The following PUM3 variants were observed in gnomAD, a reference collection of about 807,000 sequenced individuals.
PUM3 encodes the protein pumilio RNA binding family member 3.
Under a neutral mutation model 84.0 loss-of-function variants are expected in PUM3, and 91 were observed. The observed-to-expected ratio is 1.08, with a 90% CI of 0.91 to 1.29. The LOEUF is 1.29. PUM3 is among the 50% of genes most tolerant of loss of function. PUM3 has a pLI of 0.00. For synonymous variants in PUM3, 321 were observed against 266.7 expected, an observed-to-expected ratio of 1.20 and a Z score of -1.98; for missense variants, 1,067 against 767.5, an observed-to-expected ratio of 1.39 and a Z score of -4.61.
chr9:2,827,314 T>TA (rs1815850434), intron 9 of PUM3, among the ~76,000 whole-genome samples, 163 bp from the exon 10 acceptor site: 1 of 152,204 alleles, frequency 6.6e-6, no homozygotes, highest in Non-Finnish European at 1.5e-5. Context: ...TACTAAAACT[T>TA]AAACAAAAAT....
At chr9:2,823,983 A>T (rs1815738720) in intron 11 of PUM3, 149 bp from the exon 12 acceptor site, 1 of 495,682 alleles carries the variant, frequency 2.0e-6, no homozygotes, top group East Asian at 3.4e-5. Flanking sequence ...GCCAGAACAA[A>T]AAAACTGTAA....
At chr9:2,824,045 T>C (rs1048512992) in intron 11 of PUM3, among the ~76,000 whole-genome samples, 1 of 128,518 alleles carries the variant, frequency 7.8e-6, no homozygotes, top group Non-Finnish European at 1.7e-5. Context: ...GTGTATGTGA[T>C]AGGGTTAGGG....
intron 8 of PUM3, 91 bp from the exon 9 acceptor site, chr9:2,828,869 G>A (rs976964251): frequency 1.3e-6 from 1 of 772,980 alleles, no homozygotes; most frequent in Non-Finnish European, 2.2e-6. Context: ...TTTAAAATAA[G>A]TTTTAACAAA....
intron 3 of PUM3, among the ~76,000 whole-genome samples, chr9:2,836,815 G>T (rs1313359986): frequency 6.6e-6 from 1 of 152,082 alleles, no homozygotes; most frequent in East Asian, 1.9e-4. Context: ...GTGTGCGTGT[G>T]TGTGTGTGTG....
chr9:2,822,370 C>T (rs1302590520), intron 12 of PUM3, among the ~76,000 whole-genome samples: 1 of 151,812 alleles, frequency 6.6e-6, no homozygotes, highest in African/African-American at 2.4e-5. Context: ...TTAAAAGGAA[C>T]AAAAGAATAT....
intron 15 of PUM3, among the ~76,000 whole-genome samples, chr9:2,811,014 A>G (rs1449448091): frequency 3.3e-5 from 5 of 152,164 alleles, no homozygotes; most frequent in African/African-American, 1.2e-4. Flanking sequence ...AGGTACATTC[A>G]TCTTTCCCAT....
chr9:2,824,683 T>G (rs200153153), intron 11 of PUM3, 34 bp downstream of exon 11: 68 of 1,380,022 alleles, frequency 4.9e-5, no homozygotes, highest in Admixed American at 1.0e-4. Flanking sequence ...CCCTGACTTG[T>G]ACAGTTTAAA....
chr9:2,819,952 C>A, intron 13 of PUM3, 66 bp downstream of exon 13: 1 of 1,051,848 alleles, frequency 9.5e-7, no homozygotes, highest in South Asian at 1.4e-5. Context: ...ATGGTGAAAT[C>A]AAGCTTACAC....
rs188027540 is a variant in PUM3, at chr9:2,824,038, T to A, written c.1135-204A>T. Among the ~76,000 whole-genome samples the A allele has an allele frequency of 5.3e-4, 80 of 150,122 alleles. No individual in the cohort carries two copies. In the East Asian group the frequency reaches 0.013, roughly 24 times the overall value. On this transcript the variant is annotated intron_variant, in intron 11 of 17. Coordinates refer to ENST00000397885, the MANE Select transcript of PUM3 (RefSeq NM_014878.5). ...TAGAGCTATTACAAGCTTAGATGTG[T>A]ATGTGATAGGGTTAGGGTTAGGGTT...
intron 4 of PUM3, among the ~76,000 whole-genome samples, chr9:2,833,655 C>A (rs978331898): frequency 1.3e-5 from 2 of 151,246 alleles, no homozygotes; most frequent in African/African-American, 4.9e-5. Context: ...AGGTATCAAT[C>A]CAAATCTTAA....
In PUM3 at chr9:2,827,065, G is replaced by A; in HGVS notation, c.1035+8C>T. 1.2e-6 allele frequency: 2 copies of A among 1,602,082 alleles called. No homozygotes were observed. Among genetic ancestry groups the A allele is most frequent in the Non-Finnish European group, 1.7e-6 (2 of 1,175,066 alleles). On this transcript the variant is annotated splice_region_variant and intron_variant, in intron 10 of 17. Transcript: ENST00000397885. ...GTTTTAGTTTAAAAACAAAAACCAA[G>A]AACTTACTGATCTGAGTTTGGGGGG...
rs369222739 is a variant in PUM3 at position 2,826,332 on chromosome 9, A to C, written c.1035+741T>G. Among the ~76,000 whole-genome samples the C allele has an allele frequency of 8.5e-5, 13 of 152,326 alleles. No homozygotes were observed. The East Asian group carries it at 1.9e-3, about 23-fold the overall frequency. ...TACTGTATTTTTCAGGAAGTAAGAA[A>C]AATCTCCAAAACAGAAGGTGCTGCT... On this transcript the variant is annotated intron_variant, in intron 10 of 17. Coordinates refer to ENST00000397885, the MANE Select transcript of PUM3 (RefSeq NM_014878.5).
chr9:2,834,238 A>T, intron 3 of PUM3, 72 bp from the exon 4 acceptor site: 2 of 1,353,030 alleles, frequency 1.5e-6, no homozygotes, highest in Middle Eastern at 2.2e-4. Context: ...AAATTAGGTA[A>T]AAAGGGCAAT....
chr9:2,840,621 T>C (rs1201373088), intron 1 of PUM3, among the ~76,000 whole-genome samples: 1 of 152,250 alleles, frequency 6.6e-6, no homozygotes, highest in Non-Finnish European at 1.5e-5. Context: ...AGATATTTAT[T>C]TCATTCCTTG....
At chr9:2,824,153 T>C (rs911293559) in intron 11 of PUM3, among the ~76,000 whole-genome samples, 1 of 151,988 alleles carries the variant, frequency 6.6e-6, no homozygotes, top group Non-Finnish European at 1.5e-5. Flanking sequence ...AAATGCAGAG[T>C]CTAGCAAACA....
At chr9:2,805,386 C>T (rs1395733027) in intron 17 of PUM3, among the ~76,000 whole-genome samples, 1 of 152,176 alleles carries the variant, frequency 6.6e-6, no homozygotes, top group Non-Finnish European at 1.5e-5. Context: ...TCCTGAATTT[C>T]CTGTTCTCTT....
intron 1 of PUM3, among the ~76,000 whole-genome samples, chr9:2,843,573 C>CTTTTTTT (rs34837134): frequency 1.0e-5 from 1 of 96,400 alleles, no homozygotes; most frequent in Non-Finnish European, 2.1e-5. Flanking sequence ...TCCCGCCCTT[C>CTTTTTTT]TTTTTTTTTT....
At chr9:2,821,012 T>C (rs1821577645) in intron 12 of PUM3, among the ~76,000 whole-genome samples, 1 of 152,198 alleles carries the variant, frequency 6.6e-6, no homozygotes, top group African/African-American at 2.4e-5. Context: ...CCCACAATCA[T>C]TCAGAGCCAG....
At chr9:2,831,943 TTC>T (rs975136410) in intron 5 of PUM3, among the ~76,000 whole-genome samples, 7 of 152,226 alleles carry the variant, frequency 4.6e-5, no homozygotes, top group African/African-American at 1.7e-4. Flanking sequence ...TTGAATCTGA[TTC>T]TCTAACCCAT....
Sources: allele counts gnomAD v4.1 joint callset (sites outside exome capture counted in the v4.1 genomes callset), GRCh38; gene constraint gnomAD v4.1.1; transcripts MANE v1.5; gene names NCBI Gene and HGNC (gene_info 2026-07-23, HGNC 2026-07-21).